The following JARID2 variants were observed in gnomAD, a reference collection of about 807,000 sequenced individuals.
JARID2 encodes jumonji and AT-rich interaction domain containing 2.
JARID2 carries 21 observed loss-of-function variants against 125.6 expected under a neutral mutation model. The observed-to-expected ratio is 0.17, with a 90% CI of 0.12 to 0.24. The LOEUF is 0.24. Among genes scored for constraint, JARID2 ranks in the 10% least tolerant of loss-of-function variants. JARID2 has a pLI of 1.00. For synonymous variants in JARID2, 736 were observed against 661.6 expected (o/e 1.11, Z -1.73); for missense variants, 1,303 against 1,639.6 (o/e 0.79, Z 3.55).
chr6:15,272,151 CAAA>C (rs1327968291), intron 1 of JARID2, among the ~76,000 whole-genome samples: 1 of 152,110 alleles, frequency 6.6e-6, no homozygotes, highest in Non-Finnish European at 1.5e-5. Flanking sequence ...AGCAGAAAAA[CAAA>C]AAAACAAAAA....
intron 1 of JARID2, among the ~76,000 whole-genome samples, chr6:15,354,924 T>G (rs1232976772): frequency 6.6e-6 from 1 of 151,822 alleles, no homozygotes. Context: ...GCCGGGGAGG[T>G]GAATTTCAGG....
chr6:15,503,209 C>T (rs910715136), intron 8 of JARID2, among the ~76,000 whole-genome samples: 22 of 152,238 alleles, frequency 1.4e-4, no homozygotes, highest in African/African-American at 4.8e-4. Flanking sequence ...GGTGTCCTGG[C>T]TGCTGACTTT....
rs561196202 is a variant in JARID2, at chr6:15,309,595, AT to A, written c.45+63018del. 2.4e-3 allele frequency among the ~76,000 whole-genome samples: 364 copies of A among 152,262 alleles called. 2 individuals are homozygous for A. Among genetic ancestry groups the A allele is most frequent in the African/African-American group, 8.3e-3 (346 of 41,528 alleles). Reference sequence around the variant, plus strand: ...GTGAGAAAACAGTATTTACAGTTTAATTTTTTTGTCTTATCTTGGAAAATTT... The same window carrying A: ...GTGAGAAAACAGTATTTACAGTTTAATTTTTTGTCTTATCTTGGAAAATTT... On this transcript the variant is annotated intron_variant, in intron 1 of 17. Coordinates refer to ENST00000341776, the MANE Select transcript of JARID2 (RefSeq NM_004973.4).
At chr6:15,362,037 A>AG in intron 1 of JARID2, among the ~76,000 whole-genome samples, 1 of 151,804 alleles carries the variant, frequency 6.6e-6, no homozygotes, top group South Asian at 2.1e-4. Context: ...GTGGGACTAC[A>AG]CATGTACCAG....
At chr6:15,466,646 G>T (rs1768754695) in intron 4 of JARID2, among the ~76,000 whole-genome samples, 1 of 152,206 alleles carries the variant, frequency 6.6e-6, no homozygotes, top group East Asian at 1.9e-4. Flanking sequence ...CAACATTGTT[G>T]TATTTGATTA....
At chr6:15,413,034 T>TTTTTTTTTTTTTTTTTC (rs1765970302) in intron 3 of JARID2, among the ~76,000 whole-genome samples, 1 of 133,190 alleles carries the variant, frequency 7.5e-6, no homozygotes, top group East Asian at 2.1e-4. Flanking sequence ...TTTTTTTTTT[T>TTTTTTTTTTTTTTTTTC]TTGAGACTGA....
intron 2 of JARID2, among the ~76,000 whole-genome samples, chr6:15,379,116 T>G (rs1764483288): frequency 6.6e-6 from 1 of 152,062 alleles, no homozygotes; most frequent in Non-Finnish European, 1.5e-5. Flanking sequence ...TGTCATAAAA[T>G]CCATGTTTGC....
At chr6:15,256,062 T>C (rs1219874838) in intron 1 of JARID2, among the ~76,000 whole-genome samples, 1 of 152,200 alleles carries the variant, frequency 6.6e-6, no homozygotes, top group African/African-American at 2.4e-5. Context: ...GGCTTGTTGC[T>C]GGGAGAGGCA....
intron 2 of JARID2, among the ~76,000 whole-genome samples, chr6:15,404,019 G>C (rs2237152): frequency 0.37 from 56,428 of 151,970 alleles, 10,791 homozygotes; most frequent in Admixed American, 0.45. Context: ...GGTCTCATAA[G>C]GGAAAGGGAT....
At chr6:15,331,351 AAAAAC>A (rs936693357) in intron 1 of JARID2, among the ~76,000 whole-genome samples, 4 of 149,924 alleles carry the variant, frequency 2.7e-5, no homozygotes, top group East Asian at 2.0e-4. Flanking sequence ...AAACAAAAAC[AAAAAC>A]AAAAAAAACA....
chr6:15,367,030 G>T (rs1236685004), intron 1 of JARID2, among the ~76,000 whole-genome samples: 1 of 152,062 alleles, frequency 6.6e-6, no homozygotes, highest in Non-Finnish European at 1.5e-5. Context: ...AGATTTCCTG[G>T]AAGGGGCCTG....
chr6:15,256,408 T>A (rs1759667906), intron 1 of JARID2, among the ~76,000 whole-genome samples: 1 of 152,162 alleles, frequency 6.6e-6, no homozygotes, highest in Non-Finnish European at 1.5e-5. Flanking sequence ...GATTGAGAAT[T>A]AAGACTGGAG....
At chr6:15,371,510 ACTC>A (rs1208744244) in intron 1 of JARID2, among the ~76,000 whole-genome samples, 2 of 151,562 alleles carry the variant, frequency 1.3e-5, no homozygotes, top group Non-Finnish European at 2.9e-5. Flanking sequence ...ATAAGCATTA[ACTC>A]CTCCTGCAGT....
At chr6:15,506,288 A>G (rs1771002051) in intron 9 of JARID2, among the ~76,000 whole-genome samples, 1 of 152,216 alleles carries the variant, frequency 6.6e-6, no homozygotes, top group African/African-American at 2.4e-5. Flanking sequence ...AATACGCAGC[A>G]GGCTTGGGCA....
chr6:15,493,079 T>C (rs1770233349), intron 6 of JARID2, among the ~76,000 whole-genome samples: 1 of 152,258 alleles, frequency 6.6e-6, no homozygotes. Context: ...TTTACTTCCC[T>C]GTAGCATTGC....
At chr6:15,514,606 C>G (rs1476741789) in intron 16 of JARID2, among the ~76,000 whole-genome samples, 1 of 152,174 alleles carries the variant, frequency 6.6e-6, no homozygotes, top group Non-Finnish European at 1.5e-5. Flanking sequence ...AGGGAGGACA[C>G]AGCCTCTCCC....
At position 15,296,780 on chromosome 6, in the gene JARID2, A is replaced by G. The variant is rs535474258; in HGVS notation, c.45+50196A>G. 3.9e-5 allele frequency among the ~76,000 whole-genome samples: 6 copies of G among 152,300 alleles called. No homozygotes were observed. In the East Asian group the frequency reaches 1.2e-3, roughly 29 times the overall value. On this transcript the variant is annotated intron_variant, in intron 1 of 17. Transcript: ENST00000341776. ...GCTCTTACTTCCTGACAGACACATTAAGGTGTTGTAGGCTCATCTTGGGTG... is the reference window on the plus strand; with the variant it reads ...GCTCTTACTTCCTGACAGACACATTGAGGTGTTGTAGGCTCATCTTGGGTG...
At chr6:15,310,281 GA>G (rs757751837) in intron 1 of JARID2, among the ~76,000 whole-genome samples, 1 of 152,132 alleles carries the variant, frequency 6.6e-6, no homozygotes, top group Non-Finnish European at 1.5e-5. Flanking sequence ...AAAAACAGTA[GA>G]AAAAATGATA....
chr6:15,462,250 C>A (rs569568820), intron 4 of JARID2, among the ~76,000 whole-genome samples: 89 of 152,242 alleles, frequency 5.8e-4, no homozygotes, highest in Non-Finnish European at 9.7e-4. Flanking sequence ...CAAATGAATG[C>A]GAATTGGGAA....
Sources: allele counts gnomAD v4.1 joint callset (sites outside exome capture counted in the v4.1 genomes callset), GRCh38; gene constraint gnomAD v4.1.1; transcripts MANE v1.5; gene names NCBI Gene and HGNC (gene_info 2026-07-23, HGNC 2026-07-21).